The following DNAH14 variants were observed in gnomAD, a reference collection of about 807,000 sequenced individuals.
The protein encoded by DNAH14 is axonemal beta dynein heavy chain 14.
In DNAH14, 478 loss-of-function variants were observed where a neutral mutation model predicts 520.9. That is an observed-to-expected ratio of 0.92 (90% CI 0.85 to 0.99). The LOEUF (loss-of-function observed/expected upper bound fraction) is 0.99. Among genes scored for constraint, DNAH14 ranks in the 50% least tolerant of loss-of-function variants. The pLI, the probability that DNAH14 is intolerant of heterozygous loss-of-function variation, is 0.00. For missense variants in DNAH14, 4,831 were observed against 5,234.5 expected (o/e 0.92, Z 2.38); for synonymous variants, 1,581 against 1,757.2 (o/e 0.90, Z 2.51).
At chr1:225,187,534 G>A in intron 37 of DNAH14, among the ~76,000 whole-genome samples, 1 of 151,808 alleles carries the variant, frequency 6.6e-6, no homozygotes, top group Non-Finnish European at 1.5e-5. Context: ...GGGTCATATG[G>A]TAATTCTGTG....
chr1:225,304,879 C>A, intron 57 of DNAH14, 29 bp from the exon 58 acceptor site: 1 of 1,484,912 alleles, frequency 6.7e-7, no homozygotes, highest in South Asian at 1.4e-5. Flanking sequence ...ATTGCTTTCT[C>A]TTAATTCTTA....
chr1:225,073,881 C>T (rs886527939), intron 17 of DNAH14, among the ~76,000 whole-genome samples: 1 of 151,626 alleles, frequency 6.6e-6, no homozygotes, highest in Non-Finnish European at 1.5e-5. Context: ...CGGGCTTTCA[C>T]CATGTTGGCC....
At chr1:224,933,999 G>A (rs541180364) in intron 1 of DNAH14, among the ~76,000 whole-genome samples, 14 of 151,962 alleles carry the variant, frequency 9.2e-5, no homozygotes, top group African/African-American at 2.7e-4. Flanking sequence ...CCAAAGTACC[G>A]TAACAGCCAG....
intron 23 of DNAH14, among the ~76,000 whole-genome samples, chr1:225,103,668 C>T (rs1233725949): frequency 6.6e-6 from 1 of 152,120 alleles, no homozygotes; most frequent in East Asian, 1.9e-4. Context: ...AATGGGAGTT[C>T]ACTCATGATA....
At chr1:225,082,857 G>A in intron 20 of DNAH14, 118 bp downstream of exon 20, 2 of 776,670 alleles carry the variant, frequency 2.6e-6, no homozygotes, top group Non-Finnish European at 4.0e-6. Context: ...AGAGTGCCTG[G>A]GAAAATAATA....
At chr1:225,290,669 A>G (rs1467197362) in intron 55 of DNAH14, among the ~76,000 whole-genome samples, 6 of 121,032 alleles carry the variant, frequency 5.0e-5, no homozygotes, top group African/African-American at 1.9e-4. Context: ...ATATATATAT[A>G]TATATATATA....
intron 23 of DNAH14, among the ~76,000 whole-genome samples, chr1:225,103,745 C>G (rs61849808): frequency 6.6e-6 from 1 of 152,076 alleles, no homozygotes. Context: ...GATTTTGTAT[C>G]CTGAGACTTT....
In DNAH14 at chr1:225,240,955, C is replaced by G. The variant is rs569332848; in HGVS notation, c.6748+133C>G. ...GGAAAAAGAAGGTTTATAATATACC[C>G]AATACCCTCATTATAGTGAAAGAAG... On this transcript the variant is annotated intron_variant, in intron 43 of 85. Transcript: ENST00000682510. 7.5e-4 allele frequency: 508 copies of G among 679,196 alleles called. 2 individuals are homozygous for G. Among genetic ancestry groups the G allele is most frequent in the Non-Finnish European group, 1.0e-3 (432 of 427,432 alleles). The allele number at this position is 679,196 out of a possible 1,614,324, so 42.1% of individuals were successfully genotyped here.
intron 53 of DNAH14, among the ~76,000 whole-genome samples, chr1:225,276,981 GGA>G (rs1558241540): frequency 0.018 from 880 of 49,998 alleles, 35 homozygotes; most frequent in East Asian, 0.068. Context: ...AAGGAAGGAA[GGA>G]AGGGAGGGAG....
intron 19 of DNAH14, among the ~76,000 whole-genome samples, chr1:225,082,190 G>GTGTGTGTGTGTGTGTGTGTT (rs1162678183): frequency 6.6e-6 from 1 of 151,794 alleles, no homozygotes; most frequent in Non-Finnish European, 1.5e-5. Context: ...GTGTGTGTGT[G>GTGTGTGTGTGTGTGTGTGTT]TGTGTGTGCA....
intron 21 of DNAH14, among the ~76,000 whole-genome samples, chr1:225,087,655 A>G (rs1477423744): frequency 6.6e-6 from 1 of 152,228 alleles, no homozygotes; most frequent in Non-Finnish European, 1.5e-5. Flanking sequence ...GTACAGGCAG[A>G]GCCTGGCAGA....
At chr1:225,094,656 C>CAAAAAAAAAAAAAAAAAAAAAAAA (rs760828776) in intron 21 of DNAH14, among the ~76,000 whole-genome samples, 15 of 77,840 alleles carry the variant, frequency 1.9e-4, no homozygotes, top group Admixed American at 4.0e-4. Flanking sequence ...TTCTGCACAG[C>CAAAAAAAAAAAAAAAAAAAAAAAA]AAAAAAAAAA....
intron 4 of DNAH14, among the ~76,000 whole-genome samples, 177 bp downstream of exon 4, chr1:224,960,479 ATAT>A (rs2060777176): frequency 6.6e-6 from 1 of 152,148 alleles, no homozygotes; most frequent in Non-Finnish European, 1.5e-5. Flanking sequence ...AAAATCTAAA[ATAT>A]TATGTTGAAA....
intron 81 of DNAH14, among the ~76,000 whole-genome samples, chr1:225,385,092 G>A (rs1000617226): frequency 1.1e-4 from 16 of 152,118 alleles, no homozygotes; most frequent in South Asian, 2.1e-4. Context: ...ATCAATAAAC[G>A]TAATCCATCA....
chr1:225,241,268 A>G (rs1157846068), intron 43 of DNAH14, among the ~76,000 whole-genome samples: 1 of 152,168 alleles, frequency 6.6e-6, no homozygotes, highest in South Asian at 2.1e-4. Flanking sequence ...AATCCATCCT[A>G]TTACTTTGAA....
intron 23 of DNAH14, among the ~76,000 whole-genome samples, chr1:225,110,701 G>C (rs2076415614): frequency 6.6e-6 from 1 of 150,610 alleles, no homozygotes; most frequent in Non-Finnish European, 1.5e-5. Context: ...TACTAATTTT[G>C]AGTTTAGTTT....
At chr1:225,256,450 A>T (rs2149736198) in intron 44 of DNAH14, among the ~76,000 whole-genome samples, 1 of 152,288 alleles carries the variant, frequency 6.6e-6, no homozygotes, top group East Asian at 1.9e-4. Context: ...AATAAATAAA[A>T]TAAAATAAAA....
chr1:224,994,599 A>G (rs922174617), intron 8 of DNAH14, among the ~76,000 whole-genome samples: 3 of 152,050 alleles, frequency 2.0e-5, no homozygotes, highest in Non-Finnish European at 4.4e-5. Flanking sequence ...CAGGCAGCCT[A>G]TAGTTCAGTC....
At chr1:225,025,813 G>A (rs2066070012) in intron 11 of DNAH14, among the ~76,000 whole-genome samples, 1 of 152,092 alleles carries the variant, frequency 6.6e-6, no homozygotes, top group African/African-American at 2.4e-5. Flanking sequence ...CACAGTAAAT[G>A]TCTGATAAAA....
Sources: gnomAD v4.1 joint callset for allele counts (sites outside exome capture counted in the v4.1 genomes callset) on GRCh38, gnomAD v4.1.1 for gene constraint, MANE v1.5 for transcripts, NCBI Gene and HGNC (gene_info 2026-07-23, HGNC 2026-07-21) for gene names.